The following RBM15B variants were observed in gnomAD, a reference collection of about 807,000 sequenced individuals.
RBM15B encodes RNA binding motif protein 15B.
Under a neutral mutation model 53.3 loss-of-function variants are expected in RBM15B, and 11 were observed. That is an observed-to-expected ratio of 0.21 (90% CI 0.13 to 0.34). RBM15B has a LOEUF of 0.34. RBM15B is among the 10% of genes least tolerant of loss of function. RBM15B has a pLI of 1.00. For synonymous variants in RBM15B, 631 were observed against 540.7 expected, an observed-to-expected ratio of 1.17 and a Z score of -2.32; for missense variants, 1,136 against 1,250.3, an observed-to-expected ratio of 0.91 and a Z score of 1.38.
At position 51,394,620 on chromosome 3, in the gene RBM15B, C is replaced by A. The variant is rs959168543; in HGVS notation, c.*548C>A. On this transcript the variant is annotated 3_prime_UTR_variant, in exon 1 of 1. Coordinates refer to ENST00000563281, the MANE Select transcript of RBM15B (RefSeq NM_013286.5). The stretch of plus-strand genomic sequence containing the variant: ...TGGGCTGTGGACGCTGCCACACAAG[C>A]CTGAGTAGAGCCCATGCAAAGGAAG... The A allele has an allele frequency of 6.0e-6, 1 of 167,124 alleles. No individual in the cohort carries two copies. The highest frequency in any genetic ancestry group is 6.5e-5 in the Admixed American group (1 of 15,286). 10.4% of individuals were successfully genotyped at this position (167,124 alleles called of 1,614,324 possible). A position where few individuals can be genotyped will look rare whatever the true frequency, so the allele number is the denominator to read the frequency against.
rs1256980765 is a variant in RBM15B, at chr3:51,391,569, C to G, written c.170C>G (p.Pro57Arg). The G allele has an allele frequency of 8.5e-7, 1 of 1,180,612 alleles. No individual in the cohort carries two copies. Among genetic ancestry groups the G allele is most frequent in the African/African-American group, 1.6e-5 (1 of 62,108 alleles). The allele number at this position is 1,180,612 out of a possible 1,614,324, so 73.1% of individuals were successfully genotyped here. ...GTTCCAGCGCGGGCCCGCGACAAAC[C>G]CCGCGGCAGCGGAAGCGGCGGGGGC... ...HPVPARARDK[P>R]RGSGSGGGGH... The change falls in exon 1 of 1, where the codon CCC becomes CGC. Residue 57 changes from proline (P) to arginine (R), a missense_variant. By Grantham distance (103) the Pro-to-Arg change is moderately radical. This residue lies in a region of RBM15B where 257 missense variants were observed against 261.1 expected (regional missense o/e 0.98). Transcript: ENST00000563281. The surrounding 1 kb of genome is among the most constrained non-coding windows in gnomAD (Gnocchi z 4.5).
rs139792101 is a variant in RBM15B, at chr3:51,392,767, C to T, written c.1368C>T (p.Ala456=). 1 of 1,614,164 alleles carries T rather than the reference C, an allele frequency of 6.2e-7. No homozygotes were observed. The highest frequency in any genetic ancestry group is 1.1e-5 in the South Asian group (1 of 91,090). ...TIDHVKGDSF[A]YIQYESLDAA... Reference sequence around the variant, plus strand: ...ATCACGTCAAAGGAGATAGCTTTGCCTATATTCAGTACGAGAGCTTGGACG... The same window carrying T: ...ATCACGTCAAAGGAGATAGCTTTGCTTATATTCAGTACGAGAGCTTGGACG... Residue 456 remains alanine, a synonymous_variant, in exon 1 of 1, where the codon GCC becomes GCT. Transcript: ENST00000563281. The surrounding 1 kb of genome is among the most constrained non-coding windows in gnomAD (Gnocchi z 7.5).
Position 51,394,471 on chromosome 3 carries a change from C to T in RBM15B, c.*399C>T, listed in dbSNP as rs1357496922. On this transcript the variant is annotated 3_prime_UTR_variant, in exon 1 of 1. Coordinates refer to ENST00000563281, the MANE Select transcript of RBM15B (RefSeq NM_013286.5). ...CATCCCTAGTGCATGTACACGAATG[C>T]CCTACGTCATCCTTCCAGCACCACT... 5.8e-6 allele frequency: 1 copy of T among 171,166 alleles called. No homozygotes were observed. Among genetic ancestry groups the T allele is most frequent in the African/African-American group, 2.4e-5 (1 of 41,574 alleles). 10.6% of individuals were successfully genotyped at this position (171,166 alleles called of 1,614,324 possible).
In RBM15B at chr3:51,392,275, T is replaced by TGCC. The variant is rs782145137; in HGVS notation, c.884_886dup (p.Ala295dup). ...CAGCCTTCGCCCTGGATGCCGCTGC[T>TGCC]GCCGCCGCCGTGGGACTGTCCCGGG... On this transcript the variant is annotated inframe_insertion, in exon 1 of 1. Coordinates refer to ENST00000563281, the MANE Select transcript of RBM15B (RefSeq NM_013286.5). The surrounding 1 kb of genome is among the most constrained non-coding windows in gnomAD (Gnocchi z 7.5). The TGCC allele has an allele frequency of 6.2e-7, 1 of 1,603,972 alleles. No homozygotes were observed.
Position 51,392,886 on chromosome 3 carries a change from G to T in RBM15B, c.1487G>T (p.Arg496Leu). ...RVDFAKAEET[R>L]YPQQYQPSPL... is the part of the protein sequence containing the mutation. ...GATTTTGCCAAAGCAGAGGAGACTC[G>T]GTACCCCCAGCAGTACCAGCCCTCG... Residue 496 changes from arginine (R) to leucine (L), a missense_variant, in exon 1 of 1, where the codon CGG becomes CTG. Physicochemically the swap from Arg to Leu is moderately radical, Grantham distance 102. This residue lies in a region of RBM15B where 578 missense variants were observed against 581.6 expected (regional missense o/e 0.99). Transcript: ENST00000563281. This position sits in a 1 kb window ranked among gnomAD's most constrained non-coding sequence, Gnocchi z 7.5. 1 of 1,613,920 alleles carries T rather than the reference G, an allele frequency of 6.2e-7. No individual in the cohort carries two copies. Among genetic ancestry groups the T allele is most frequent in the Non-Finnish European group, 8.5e-7 (1 of 1,180,016 alleles).
chr3:51,393,127 G>A lies in RBM15B; in HGVS notation c.1728G>A (p.Glu576=), dbSNP rs1349192383. The part of the protein sequence containing the change: ...YSRSVRSRSG[E]RWGADGDRGL... ...GCTCAGTGCGCAGCCGGAGTGGTGA[G>A]CGTTGGGGGGCAGATGGAGACCGTG... The change falls in exon 1 of 1, where the codon GAG becomes GAA. Residue 576 remains glutamate (E), a synonymous_variant. Coordinates refer to ENST00000563281, the MANE Select transcript of RBM15B (RefSeq NM_013286.5). The surrounding 1 kb of genome is among the most constrained non-coding windows in gnomAD (Gnocchi z 5.6). The A allele has an allele frequency of 1.2e-5, 20 of 1,613,958 alleles. No homozygotes were observed. Among genetic ancestry groups the A allele is most frequent in the Non-Finnish European group, 1.5e-5 (18 of 1,180,008 alleles).
At position 51,393,559 on chromosome 3, in the gene RBM15B, G is replaced by A. The variant is rs928649504; in HGVS notation, c.2160G>A (p.Leu720=). Residue 720 remains leucine (L), a synonymous_variant, in exon 1 of 1, where the codon CTG becomes CTA. Transcript: ENST00000563281. The surrounding 1 kb of genome is among the most constrained non-coding windows in gnomAD (Gnocchi z 5.6). Reference sequence around the variant, plus strand: ...CAGAGTACGCTCAGACACTACAGCTGGGTTGGAATGGGCTTCTGGTGTTGA... The same window carrying A: ...CAGAGTACGCTCAGACACTACAGCTAGGTTGGAATGGGCTTCTGGTGTTGA... The part of the protein sequence containing the change: ...NLSEYAQTLQ[L]GWNGLLVLKN... The A allele has an allele frequency of 6.2e-7, 1 of 1,614,196 alleles. No homozygotes were observed. Among genetic ancestry groups the A allele is most frequent in the Admixed American group, 1.7e-5 (1 of 60,034 alleles).
In RBM15B at chr3:51,393,292, C is replaced by T; in HGVS notation, c.1893C>T (p.Thr631=). 1 of 1,610,774 alleles carries T rather than the reference C, an allele frequency of 6.2e-7. No homozygotes were observed. Among genetic ancestry groups the T allele is most frequent in the Non-Finnish European group, 8.5e-7 (1 of 1,178,592 alleles). Residue 631 remains threonine (T), a synonymous_variant, in exon 1 of 1, where the codon ACC becomes ACT. Transcript: ENST00000563281. This position sits in a 1 kb window ranked among gnomAD's most constrained non-coding sequence, Gnocchi z 5.6. ...GQQSERGSDR[T]PERSRKENHS... is the part of the protein sequence containing the mutation. ...AGTCAGAGCGGGGCTCCGACCGCAC[C>T]CCTGAGCGCAGCCGCAAGGAGAACC...
Position 51,393,815 on chromosome 3 carries a change from A to G in RBM15B, c.2416A>G (p.Thr806Ala), listed in dbSNP as rs2089082839. The stretch of plus-strand genomic sequence containing the variant: ...CCAGGCAACCCCCAGTGGGCTTGGC[A>G]CTGAGGGGATGCCCACAGTAGAGCC... ...ATQATPSGLG[T>A]EGMPTVEPGL... The change falls in exon 1 of 1, where the codon ACT becomes GCT. Residue 806 changes from threonine to alanine, a missense_variant. By Grantham distance (58) the Thr-to-Ala change is moderately conservative. Coordinates refer to ENST00000563281, the MANE Select transcript of RBM15B (RefSeq NM_013286.5). The surrounding 1 kb of genome is among the most constrained non-coding windows in gnomAD (Gnocchi z 5.6). The G allele has an allele frequency of 6.2e-7, 1 of 1,612,948 alleles. No homozygotes were observed. The highest frequency in any genetic ancestry group is 1.3e-5 in the African/African-American group (1 of 75,032).
In RBM15B at chr3:51,394,814, T is replaced by C. The variant is rs1409162120; in HGVS notation, c.*742T>C. 1.2e-5 allele frequency: 2 copies of C among 167,156 alleles called. No homozygotes were observed. Among genetic ancestry groups the C allele is most frequent in the Admixed American group, 6.5e-5 (1 of 15,286 alleles). 10.4% of individuals were successfully genotyped at this position (167,156 alleles called of 1,614,324 possible). On this transcript the variant is annotated 3_prime_UTR_variant, in exon 1 of 1. Transcript: ENST00000563281. Reference sequence around the variant, plus strand: ...AGCCTTCAGCAGCTGTGTAGTCTTGTACAAGGAGAAGCTGTGCACTGTTGA... The same window carrying C: ...AGCCTTCAGCAGCTGTGTAGTCTTGCACAAGGAGAAGCTGTGCACTGTTGA...
chr3:51,393,369 G>C lies in RBM15B; in HGVS notation c.1970G>C (p.Arg657Thr). ...AGCAGCAACTCCCTCAGCAACAGCA[G>C]ACATGGGGCTGAGGAACGGGGCCAC... ...ESSSNSLSNSRHGAEERGHHH... is the reference protein window; with the variant it reads ...ESSSNSLSNSTHGAEERGHHH... Residue 657 changes from arginine (R) to threonine (T), a missense_variant, in exon 1 of 1, where the codon AGA becomes ACA. This residue lies in a region of RBM15B where 578 missense variants were observed against 581.6 expected (regional missense o/e 0.99). Transcript: ENST00000563281. The surrounding 1 kb of genome is among the most constrained non-coding windows in gnomAD (Gnocchi z 5.6). The C allele has an allele frequency of 6.2e-7, 1 of 1,613,366 alleles. No individual in the cohort carries two copies. Among genetic ancestry groups the C allele is most frequent in the Non-Finnish European group, 8.5e-7 (1 of 1,179,784 alleles).
At position 51,392,004 on chromosome 3, in the gene RBM15B, C is replaced by G; in HGVS notation, c.605C>G (p.Ala202Gly). 6.3e-7 allele frequency: 1 copy of G among 1,598,416 alleles called. No individual in the cohort carries two copies. The highest frequency in any genetic ancestry group is 8.5e-7 in the Non-Finnish European group (1 of 1,178,026). The change falls in exon 1 of 1, where the codon GCC (alanine) becomes GGC (glycine). Residue 202 changes from alanine (A) to glycine (G), a missense_variant. Ala to Gly is a moderately conservative substitution (Grantham distance 60). Coordinates refer to ENST00000563281, the MANE Select transcript of RBM15B (RefSeq NM_013286.5). This position sits in a 1 kb window ranked among gnomAD's most constrained non-coding sequence, Gnocchi z 7.5. ...CGCGAGGCCCGCCAGCACGCCCTGGCCCGGCAGCTGCTGCTCTACGACCGC... is the reference window on the plus strand; with the variant it reads ...CGCGAGGCCCGCCAGCACGCCCTGGGCCGGCAGCTGCTGCTCTACGACCGC... ...DAREARQHAL[A>G]RQLLLYDRPL...
rs1553621808 is a variant in RBM15B, at chr3:51,392,738, A to G, written c.1339A>G (p.Ile447Val). Residue 447 changes from isoleucine to valine, a missense_variant, in exon 1 of 1, where the codon ATT becomes GTT. This residue lies in a region of RBM15B where 45 missense variants were observed against 80.7 expected (regional missense o/e 0.56). Coordinates refer to ENST00000563281, the MANE Select transcript of RBM15B (RefSeq NM_013286.5). This position sits in a 1 kb window ranked among gnomAD's most constrained non-coding sequence, Gnocchi z 7.5. ...TGACCGCTTTGGGAGCATTCGGACC[A>G]TTGATCACGTCAAAGGAGATAGCTT... Reference protein sequence around the residue: ...EFDRFGSIRTIDHVKGDSFAY... With the variant: ...EFDRFGSIRTVDHVKGDSFAY... 2 of 1,614,220 alleles carry G rather than the reference A, an allele frequency of 1.2e-6. No individual in the cohort carries two copies. The highest frequency in any genetic ancestry group is 1.7e-5 in the Admixed American group (1 of 60,038).
Position 51,396,797 on chromosome 3 carries a change from C to G in RBM15B, c.*2725C>G, listed in dbSNP as rs1405320376. On this transcript the variant is annotated 3_prime_UTR_variant, in exon 1 of 1. Coordinates refer to ENST00000563281, the MANE Select transcript of RBM15B (RefSeq NM_013286.5). ...GTGGGTGCTCCCAGCAGAGTTGAGA[C>G]TGGCTCCGTTGAGTTAATGACTAGA... 1 of 167,162 alleles carries G rather than the reference C, an allele frequency of 6.0e-6. No individual in the cohort carries two copies. The highest frequency in any genetic ancestry group is 6.5e-5 in the Admixed American group (1 of 15,286). The allele number at this position is 167,162 out of a possible 1,614,324, so 10.4% of individuals were successfully genotyped here. A position where few individuals can be genotyped will look rare whatever the true frequency, so the allele number is the denominator to read the frequency against.
rs1273441919 is a variant in RBM15B, at chr3:51,391,656, C to T, written c.257C>T (p.Ser86Leu). ...ANHRASSGRS[S>L]GSGAGGGGRG... is the part of the protein sequence containing the mutation. ...CACCGCGCGAGTAGCGGGCGCTCCT[C>T]GGGCTCCGGCGCTGGCGGCGGGGGA... The change falls in exon 1 of 1, where the codon TCG (serine) becomes TTG (leucine). Residue 86 changes from serine (S) to leucine (L), a missense_variant. This residue lies in a region of RBM15B where 257 missense variants were observed against 261.1 expected (regional missense o/e 0.98). Coordinates refer to ENST00000563281, the MANE Select transcript of RBM15B (RefSeq NM_013286.5). The surrounding 1 kb of genome is among the most constrained non-coding windows in gnomAD (Gnocchi z 4.5). 1.6e-5 allele frequency: 19 copies of T among 1,201,430 alleles called. No individual in the cohort carries two copies. In the African/African-American group the frequency reaches 1.9e-4, roughly 12 times the overall value. The allele number at this position is 1,201,430 out of a possible 1,614,324, so 74.4% of individuals were successfully genotyped here.
rs2089149400 is a variant in RBM15B, at chr3:51,395,554, C to CAA, written c.*1484_*1485dup. ...CAGCGTGTCTGGTACCTTGGATGTT[C>CAA]AAACAGGGAACACTGTCAGGGCTGA... On this transcript the variant is annotated 3_prime_UTR_variant, in exon 1 of 1. Coordinates refer to ENST00000563281, the MANE Select transcript of RBM15B (RefSeq NM_013286.5). The CAA allele has an allele frequency of 1.3e-5, 5 of 377,164 alleles. No homozygotes were observed. Among genetic ancestry groups the CAA allele is most frequent in the Non-Finnish European group, 2.0e-5 (4 of 203,842 alleles). 23.4% of individuals were successfully genotyped at this position (377,164 alleles called of 1,614,324 possible).
Position 51,393,904 on chromosome 3 carries a change from G to T in RBM15B, c.2505G>T (p.Gly835=). 1 of 1,552,336 alleles carries T rather than the reference G, an allele frequency of 6.4e-7. No homozygotes were observed. Among genetic ancestry groups the T allele is most frequent in the Non-Finnish European group, 8.7e-7 (1 of 1,150,212 alleles). ...ACTTGAAACAGAAGCAGGCCGCAGG[G>T]GTGATCAGCTTGCCAGTGGGGGGGT... ...VSYLKQKQAA[G]VISLPVGGSK... Residue 835 remains glycine (G), a synonymous_variant, in exon 1 of 1, where the codon GGG becomes GGT. Coordinates refer to ENST00000563281, the MANE Select transcript of RBM15B (RefSeq NM_013286.5). The surrounding 1 kb of genome is among the most constrained non-coding windows in gnomAD (Gnocchi z 5.6).
chr3:51,392,242 C>T lies in RBM15B; in HGVS notation c.843C>T (p.His281=), dbSNP rs781947645. ...APPLREPRAR[H]AAAAFALDAA... ...CCCTGCGGGAGCCCCGTGCCCGTCA[C>T]GCCGCCGCAGCCTTCGCCCTGGATG... is the stretch of plus-strand genomic sequence containing the variant. Residue 281 remains histidine (H), a synonymous_variant, in exon 1 of 1, where the codon CAC becomes CAT. Transcript: ENST00000563281. This position sits in a 1 kb window ranked among gnomAD's most constrained non-coding sequence, Gnocchi z 7.5. The T allele has an allele frequency of 8.9e-6, 14 of 1,579,662 alleles. No individual in the cohort carries two copies. Among genetic ancestry groups the T allele is most frequent in the Admixed American group, 1.8e-5 (1 of 55,832 alleles).
At position 51,392,328 on chromosome 3, in the gene RBM15B, A is replaced by G; in HGVS notation, c.929A>G (p.Tyr310Cys). Residue 310 changes from tyrosine to cysteine, a missense_variant, in exon 1 of 1, where the codon TAC becomes TGC. Around this residue, in one of 7 missense-constraint regions of RBM15B, gnomAD observed 204 missense variants for 196.8 expected, o/e 1.04. Transcript: ENST00000563281. The surrounding 1 kb of genome is among the most constrained non-coding windows in gnomAD (Gnocchi z 7.5). ...CGGGCCCTGGACTACTACGGGCTGTACGACGACCGTGGGCGCCCCTATGGC... is the reference window on the plus strand; with the variant it reads ...CGGGCCCTGGACTACTACGGGCTGTGCGACGACCGTGGGCGCCCCTATGGC... The part of the protein sequence containing the change: ...RERALDYYGL[Y>C]DDRGRPYGYP... The G allele has an allele frequency of 6.2e-7, 1 of 1,613,208 alleles. No homozygotes were observed. The highest frequency in any genetic ancestry group is 8.5e-7 in the Non-Finnish European group (1 of 1,179,882).
Sources: allele counts gnomAD v4.1 joint callset, GRCh38; gene constraint gnomAD v4.1.1; regional missense constraint gnomAD v4.1.1; non-coding constraint Gnocchi (gnomAD v3.1); transcripts MANE v1.5; gene names NCBI Gene and HGNC (gene_info 2026-07-23, HGNC 2026-07-21).